SEMA3C: variants seen among roughly 807,000 people sequenced by gnomAD.
The protein encoded by SEMA3C is semaphorin-3C.
Under a neutral mutation model 89.4 loss-of-function variants are expected in SEMA3C, and 47 were observed. The observed-to-expected ratio is 0.53, with a 90% CI of 0.42 to 0.67. The LOEUF is 0.67. Ranked by LOEUF, SEMA3C falls within the 30% of genes least tolerant of loss-of-function variation. SEMA3C has a pLI of 0.00. For missense variants in SEMA3C, 839 were observed against 929.1 expected (o/e 0.90, Z 1.26); for synonymous variants, 310 against 320.2 (o/e 0.97, Z 0.34).
At chr7:80,861,145 GA>G (rs1790762080) in intron 2 of SEMA3C, among the ~76,000 whole-genome samples, 1 of 151,710 alleles carries the variant, frequency 6.6e-6, no homozygotes, top group Non-Finnish European at 1.5e-5. Flanking sequence ...TAAAACGCAT[GA>G]AAAAAATGTT....
intron 2 of SEMA3C, among the ~76,000 whole-genome samples, chr7:80,888,358 G>A (rs911857878): frequency 6.6e-6 from 1 of 152,176 alleles, no homozygotes; most frequent in African/African-American, 2.4e-5. Context: ...AGCCACTTGG[G>A]AGGCTGAGGC....
At chr7:80,813,557 T>C (rs1291738175) in intron 5 of SEMA3C, among the ~76,000 whole-genome samples, 1 of 152,236 alleles carries the variant, frequency 6.6e-6, no homozygotes, top group African/African-American at 2.4e-5. Context: ...AATGTAATAT[T>C]ATATTGATAT....
chr7:80,799,840 C>G (rs1327015261), intron 10 of SEMA3C, among the ~76,000 whole-genome samples: 1 of 143,670 alleles, frequency 7.0e-6, no homozygotes, highest in Admixed American at 7.1e-5. Context: ...GGCAGCAGAG[C>G]GAGACCCAAT....
chr7:80,745,557 CA>C (rs1333235339), intron 17 of SEMA3C, among the ~76,000 whole-genome samples: 1 of 151,398 alleles, frequency 6.6e-6, no homozygotes, highest in Non-Finnish European at 1.5e-5. Context: ...TCCATATCAG[CA>C]AAAATAGCTT....
intron 2 of SEMA3C, among the ~76,000 whole-genome samples, chr7:80,892,453 G>A (rs1412042571): frequency 6.6e-6 from 1 of 151,902 alleles, no homozygotes; most frequent in Admixed American, 6.6e-5. Flanking sequence ...CTGTGATTAA[G>A]TTGTGTGTAT....
At chr7:80,815,572 A>G (rs1789585011) in intron 5 of SEMA3C, among the ~76,000 whole-genome samples, 2 of 151,082 alleles carry the variant, frequency 1.3e-5, no homozygotes, top group South Asian at 4.2e-4. Flanking sequence ...AAAAAAAAAA[A>G]AGTAAATGTA....
upstream of SEMA3C, among the ~76,000 whole-genome samples, chr7:80,920,577 A>G (rs1792389501): frequency 1.3e-5 from 2 of 152,210 alleles, no homozygotes; most frequent in Admixed American, 1.3e-4. Context: ...CTCACGCTGC[A>G]TAGTCAAGGA....
chr7:80,768,132 G>A (rs2117066033), intron 12 of SEMA3C, among the ~76,000 whole-genome samples: 1 of 152,312 alleles, frequency 6.6e-6, no homozygotes, highest in South Asian at 2.1e-4. Context: ...CTCAAAAAAA[G>A]TGAAAATAAT....
intron 2 of SEMA3C, among the ~76,000 whole-genome samples, chr7:80,899,671 T>C (rs1478810418): frequency 6.6e-6 from 1 of 152,160 alleles, no homozygotes; most frequent in Non-Finnish European, 1.5e-5. Context: ...TAACATAAAT[T>C]AGTAAAAGAA....
At chr7:80,907,419 T>C (rs1034624944) in intron 2 of SEMA3C, among the ~76,000 whole-genome samples, 2 of 152,140 alleles carry the variant, frequency 1.3e-5, no homozygotes, top group Non-Finnish European at 2.9e-5. Context: ...CTCATTGTTT[T>C]ATTCCTGCTT....
intron 11 of SEMA3C, among the ~76,000 whole-genome samples, chr7:80,790,604 G>A (rs944353782): frequency 4.6e-5 from 7 of 151,992 alleles, no homozygotes; most frequent in African/African-American, 1.7e-4. Flanking sequence ...TTCCCTGTCC[G>A]GCATACTCCT....
chr7:80,746,416 TAA>T (rs921559471), intron 17 of SEMA3C, among the ~76,000 whole-genome samples: 4 of 139,118 alleles, frequency 2.9e-5, no homozygotes, highest in African/African-American at 1.0e-4. Flanking sequence ...AAATTGTGTA[TAA>T]ACACATTCAG....
In SEMA3C at chr7:80,745,095, A is replaced by C; in HGVS notation, c.2055T>G (p.Ala685=). Residue 685 remains alanine (A), a synonymous_variant, in exon 18 of 18, where the codon GCT becomes GCG. Coordinates refer to ENST00000265361, the MANE Select transcript of SEMA3C (RefSeq NM_006379.5). ...SPWTWASSVR[A]LPFHPKDIMG... is the part of the protein sequence containing the mutation. Reference sequence around the variant, plus strand: ...TGATGTCCTTCGGGTGGAAGGGTAAAGCCCTCACAGAGCTGGCCCAGGTCC... The same window carrying C: ...TGATGTCCTTCGGGTGGAAGGGTAACGCCCTCACAGAGCTGGCCCAGGTCC... The C allele has an allele frequency of 6.2e-7, 1 of 1,614,002 alleles. No homozygotes were observed.
rs201690740 is a variant in SEMA3C at position 80,758,537 on chromosome 7, A to C, written c.1486-49T>G. 55 of 1,563,384 alleles carry C rather than the reference A, an allele frequency of 3.5e-5. 2 individuals carry two copies. In the East Asian group the frequency reaches 8.1e-4, roughly 23 times the overall value. On this transcript the variant is annotated intron_variant, in intron 14 of 17. Coordinates refer to ENST00000265361, the MANE Select transcript of SEMA3C (RefSeq NM_006379.5). ...TATTTCAGATGTGGAAGTTAAAAGA[A>C]GACTTTCAGCAGGAACACATTATAA...
At chr7:80,880,327 T>G (rs1412994540) in intron 2 of SEMA3C, among the ~76,000 whole-genome samples, 1 of 152,208 alleles carries the variant, frequency 6.6e-6, no homozygotes, top group Non-Finnish European at 1.5e-5. Context: ...TAGTGTTTTT[T>G]ATCTGTCTCC....
intron 12 of SEMA3C, among the ~76,000 whole-genome samples, chr7:80,776,367 C>T (rs1788550092): frequency 1.3e-5 from 2 of 152,076 alleles, no homozygotes; most frequent in Non-Finnish European, 2.9e-5. Context: ...TCTCGTTTTG[C>T]ACTTGCAAAC....
At chr7:80,776,116 T>C (rs1269207977) in intron 12 of SEMA3C, among the ~76,000 whole-genome samples, 2 of 152,074 alleles carry the variant, frequency 1.3e-5, no homozygotes, top group East Asian at 3.9e-4. Context: ...TACAACTAAT[T>C]TGCATTGTTC....
chr7:80,785,681 G>A (rs922766335), intron 12 of SEMA3C, among the ~76,000 whole-genome samples: 2 of 152,236 alleles, frequency 1.3e-5, no homozygotes, highest in East Asian at 1.9e-4. Flanking sequence ...GTGCAATGGC[G>A]CAATCTTCAC....
At chr7:80,901,411 G>C (rs1291373060) in intron 2 of SEMA3C, among the ~76,000 whole-genome samples, 10 of 152,170 alleles carry the variant, frequency 6.6e-5, no homozygotes, top group Non-Finnish European at 2.9e-5. Flanking sequence ...CACACAGAGA[G>C]TTGTAGTCTT....
Sources: gnomAD v4.1 joint callset for allele counts (sites outside exome capture counted in the v4.1 genomes callset) on GRCh38, gnomAD v4.1.1 for gene constraint, MANE v1.5 for transcripts, NCBI Gene and HGNC (gene_info 2026-07-23, HGNC 2026-07-21) for gene names.